Variants in HHAT observed in about 807,000 individuals in gnomAD.
HHAT encodes the protein protein-cysteine N-palmitoyltransferase HHAT.
A neutral mutation model predicts 70.8 loss-of-function variants in HHAT; 47 were observed. The observed-to-expected ratio is 0.66, with a 90% confidence interval of 0.53 to 0.85. HHAT has a LOEUF of 0.85. HHAT is among the 40% of genes least tolerant of loss of function. The pLI is 0.00. For synonymous variants in HHAT, 228 were observed against 247.6 expected (o/e 0.92, Z 0.74); for missense variants, 609 against 604.8 (o/e 1.01, Z -0.07).
chr1:210,612,107 C>T (rs186955441), intron 10 of HHAT, among the ~76,000 whole-genome samples: 63 of 152,250 alleles, frequency 4.1e-4, no homozygotes, highest in African/African-American at 1.5e-3. Context: ...TTGAAAACTG[C>T]ATGTATTCAC....
chr1:210,627,845 G>A (rs1670120720), intron 11 of HHAT, among the ~76,000 whole-genome samples: 1 of 152,166 alleles, frequency 6.6e-6, no homozygotes, highest in Non-Finnish European at 1.5e-5. Context: ...GCTGGTCCAT[G>A]GATCTGAGAA....
intron 11 of HHAT, among the ~76,000 whole-genome samples, chr1:210,655,423 C>T (rs1360431895): frequency 6.6e-6 from 1 of 152,162 alleles, no homozygotes; most frequent in Non-Finnish European, 1.5e-5. Flanking sequence ...AGCAGATCAG[C>T]CAGTGAAGAG....
At chr1:210,357,284 A>G (rs2087740854) in intron 2 of HHAT, among the ~76,000 whole-genome samples, 1 of 152,172 alleles carries the variant, frequency 6.6e-6, no homozygotes, top group African/African-American at 2.4e-5. Context: ...CATTTGAGAA[A>G]ACAGCAGAAG....
chr1:210,333,944 A>G (rs1317355148), intron 1 of HHAT, among the ~76,000 whole-genome samples: 1 of 152,096 alleles, frequency 6.6e-6, no homozygotes, highest in Non-Finnish European at 1.5e-5. Context: ...GGTGTGAGCC[A>G]TTACATCTGG....
At chr1:210,369,162 G>A (rs1452277073) in intron 3 of HHAT, among the ~76,000 whole-genome samples, 2 of 152,146 alleles carry the variant, frequency 1.3e-5, no homozygotes, top group East Asian at 1.9e-4. Context: ...ACATTTACAT[G>A]TAGAGGGGGA....
intron 7 of HHAT, among the ~76,000 whole-genome samples, chr1:210,448,821 C>T (rs2093688524): frequency 6.6e-6 from 1 of 152,158 alleles, no homozygotes; most frequent in South Asian, 2.1e-4. Flanking sequence ...GAGGGTCTCC[C>T]AGCCCCTTAA....
At chr1:210,469,484 T>C (rs2148454473) in intron 8 of HHAT, among the ~76,000 whole-genome samples, 1 of 152,320 alleles carries the variant, frequency 6.6e-6, no homozygotes, top group Admixed American at 6.5e-5. Flanking sequence ...AAAATGGGGC[T>C]GATCATAGTA....
At chr1:210,480,746 C>G (rs1246411540) in intron 8 of HHAT, among the ~76,000 whole-genome samples, 2 of 152,158 alleles carry the variant, frequency 1.3e-5, no homozygotes, top group East Asian at 3.9e-4. Context: ...CCTCTGCTTC[C>G]CTTTAGGCTC....
At chr1:210,516,412 A>T (rs1023156511) in intron 9 of HHAT, among the ~76,000 whole-genome samples, 1 of 152,152 alleles carries the variant, frequency 6.6e-6, no homozygotes, top group African/African-American at 2.4e-5. Flanking sequence ...AGTTTCATTT[A>T]GGTGGAGAGA....
chr1:210,502,714 T>C (rs1464016011), intron 8 of HHAT, among the ~76,000 whole-genome samples: 1 of 152,206 alleles, frequency 6.6e-6, no homozygotes, highest in African/African-American at 2.4e-5. Context: ...GTGATGATGC[T>C]TTGTAAATTT....
intron 10 of HHAT, among the ~76,000 whole-genome samples, chr1:210,619,656 C>A (rs1303829313): frequency 6.6e-6 from 1 of 152,124 alleles, no homozygotes; most frequent in Non-Finnish European, 1.5e-5. Context: ...CGCTTATTAT[C>A]CCTGGCCCCT....
chr1:210,572,744 A>C (rs1656635983), intron 9 of HHAT, among the ~76,000 whole-genome samples: 1 of 152,080 alleles, frequency 6.6e-6, no homozygotes, highest in Non-Finnish European at 1.5e-5. Context: ...ATATAAAAAA[A>C]AATGTAGCTG....
chr1:210,503,644 G>C (rs1307239953), intron 8 of HHAT, among the ~76,000 whole-genome samples: 2 of 151,968 alleles, frequency 1.3e-5, no homozygotes, highest in South Asian at 4.2e-4. Context: ...TCTCCTTCAG[G>C]ACATAACTCT....
intron 11 of HHAT, among the ~76,000 whole-genome samples, chr1:210,661,169 C>T (rs1481226806): frequency 6.6e-6 from 1 of 152,184 alleles, no homozygotes; most frequent in African/African-American, 2.4e-5. Context: ...ATCTACCCAT[C>T]TGACAAAGGG....
intron 8 of HHAT, among the ~76,000 whole-genome samples, chr1:210,495,279 ATAAAT>A (rs2094618298): frequency 6.6e-6 from 1 of 150,986 alleles, no homozygotes; most frequent in African/African-American, 2.4e-5. Flanking sequence ...AAGATTTTAT[ATAAAT>A]TATAATATAT....
chr1:210,402,241 C>G (rs140378093), intron 5 of HHAT, among the ~76,000 whole-genome samples: 1 of 152,334 alleles, frequency 6.6e-6, no homozygotes, highest in East Asian at 1.9e-4. Context: ...CCAGTTGACT[C>G]TGAGAACAGC....
At chr1:210,334,443 A>G (rs2085300161) in intron 1 of HHAT, among the ~76,000 whole-genome samples, 1 of 151,998 alleles carries the variant, frequency 6.6e-6, no homozygotes, top group Non-Finnish European at 1.5e-5. Context: ...GGCATGAGCC[A>G]CCACACCCAG....
chr1:210,449,958 C>G (rs934290812), intron 7 of HHAT, among the ~76,000 whole-genome samples: 1 of 151,962 alleles, frequency 6.6e-6, no homozygotes, highest in Non-Finnish European at 1.5e-5. Context: ...TTCTGGAATT[C>G]GGGGGAAATA....
chr1:210,520,454 T>C (rs1210579537), intron 9 of HHAT, among the ~76,000 whole-genome samples: 1 of 152,246 alleles, frequency 6.6e-6, no homozygotes, highest in Non-Finnish European at 1.5e-5. Flanking sequence ...CTCACTTTTT[T>C]TCGCTCTGGT....
Sources: allele counts gnomAD v4.1 joint callset (sites outside exome capture counted in the v4.1 genomes callset), GRCh38; gene constraint gnomAD v4.1.1; transcripts MANE v1.5; gene names NCBI Gene and HGNC (gene_info 2026-07-23, HGNC 2026-07-21).